PRKCH: variants seen among roughly 807,000 people sequenced by gnomAD.
PRKCH encodes the protein protein kinase C eta type.
In PRKCH, 28 loss-of-function variants were observed where a neutral mutation model predicts 82.5. That is an observed-to-expected ratio of 0.34 (90% CI 0.25 to 0.47). The LOEUF (loss-of-function observed/expected upper bound fraction) is 0.47, where lower values mean the gene tolerates loss of function less well. Among genes scored for constraint, PRKCH ranks in the 20% least tolerant of loss-of-function variants. The pLI is 1.00. For missense variants in PRKCH, 705 were observed against 881.8 expected (o/e 0.80, Z 2.54); for synonymous variants, 322 against 327.4 (o/e 0.98, Z 0.18).
At chr14:61,195,180 T>G (rs2044432179) in intron 1 of PRKCH, among the ~76,000 whole-genome samples, 1 of 141,374 alleles carries the variant, frequency 7.1e-6, no homozygotes, top group African/African-American at 2.5e-5. Context: ...GTATATCTTT[T>G]ACATAGATAT....
chr14:61,462,854 C>G (rs957768433), intron 9 of PRKCH, among the ~76,000 whole-genome samples: 1 of 152,222 alleles, frequency 6.6e-6, no homozygotes, highest in African/African-American at 2.4e-5. Flanking sequence ...TGGAATCAGT[C>G]TCTCTGAAGC....
intron 2 of PRKCH, among the ~76,000 whole-genome samples, chr14:61,414,065 C>T (rs1882426772): frequency 6.6e-6 from 1 of 152,034 alleles, no homozygotes; most frequent in South Asian, 2.1e-4. Context: ...GCTTCTCTAC[C>T]ACCCTCTGCA....
intron 1 of PRKCH, chr14:61,281,167 ACGCGCGGGCTGACCGAGTGGGGGCCCCGC>A: frequency 2.3e-6 from 3 of 1,294,626 alleles, no homozygotes; most frequent in Non-Finnish European, 2.9e-6. Context: ...GCGGGGACCG[ACGCGCGGGCTGACCGAGTGGGGGCCCCGC>A]CGCGGGGCGC....
At chr14:61,404,076 T>A (rs1289594368) in intron 2 of PRKCH, among the ~76,000 whole-genome samples, 1 of 152,232 alleles carries the variant, frequency 6.6e-6, no homozygotes, top group African/African-American at 2.4e-5. Context: ...TTCCTAAGCT[T>A]TCCCTAATAA....
intron 9 of PRKCH, among the ~76,000 whole-genome samples, chr14:61,470,243 C>T (rs1196547183): frequency 6.6e-6 from 1 of 151,866 alleles, no homozygotes; most frequent in East Asian, 1.9e-4. Flanking sequence ...TTCTGGGTCA[C>T]TATTATAGGG....
At chr14:61,408,937 A>G (rs773183756) in intron 2 of PRKCH, among the ~76,000 whole-genome samples, 20 of 152,222 alleles carry the variant, frequency 1.3e-4, no homozygotes, top group Non-Finnish European at 2.2e-4. Context: ...TGTGGGTATG[A>G]GAATTTCAGG....
intron 12 of PRKCH, among the ~76,000 whole-genome samples, chr14:61,532,998 T>C (rs2043059807): frequency 6.6e-6 from 1 of 152,208 alleles, no homozygotes; most frequent in South Asian, 2.1e-4. Context: ...TCTGGGTATC[T>C]TCCACATAGG....
chr14:61,336,208 T>G (rs2045855584), intron 1 of PRKCH, among the ~76,000 whole-genome samples: 1 of 152,216 alleles, frequency 6.6e-6, no homozygotes, highest in Admixed American at 6.5e-5. Flanking sequence ...AGCAGTAAGA[T>G]ATTTATTTAC....
chr14:61,379,110 A>G (rs2046463641), intron 1 of PRKCH, among the ~76,000 whole-genome samples: 1 of 152,076 alleles, frequency 6.6e-6, no homozygotes, highest in African/African-American at 2.4e-5. Context: ...CTGCAGTCCT[A>G]TTTCTGACTT....
At chr14:61,232,224 A>T (rs1168616293) in intron 1 of PRKCH, among the ~76,000 whole-genome samples, 1 of 152,078 alleles carries the variant, frequency 6.6e-6, no homozygotes, top group East Asian at 1.9e-4. Context: ...GTTATAAAGG[A>T]TATTTTATTT....
chr14:61,344,455 T>G (rs944136929), intron 1 of PRKCH: 3 of 152,210 alleles, frequency 2.0e-5, no homozygotes, highest in Non-Finnish European at 4.4e-5. Flanking sequence ...GGGCAAAATT[T>G]AATCTTTTTT....
In PRKCH at chr14:61,322,715, A is replaced by G. The variant is rs551598501; in HGVS notation, c.363+251A>G. On this transcript the variant is annotated intron_variant, in intron 1 of 13. Coordinates refer to ENST00000332981, the MANE Select transcript of PRKCH (RefSeq NM_006255.5). ...AGGACAGCGGCTTGGCCTAACGGGA[A>G]GTCGGGCAGGGGTCCAGGGCGGTCA... is the stretch of plus-strand genomic sequence containing the variant. 1.7e-3 allele frequency: 824 copies of G among 471,712 alleles called. 1 individual carries two copies. The highest frequency in any genetic ancestry group is 2.6e-3 in the Non-Finnish European group (690 of 266,584). The allele number at this position is 471,712 out of a possible 1,614,324, so 29.2% of individuals were successfully genotyped here. A position where few individuals can be genotyped will look rare whatever the true frequency, so the allele number is the denominator to read the frequency against.
chr14:61,329,234 C>CTTTTTTTTTTTTTTTTTTT lies in PRKCH; in HGVS notation c.363+6772_363+6790dup, dbSNP rs71117812. On this transcript the variant is annotated intron_variant, in intron 1 of 13. Transcript: ENST00000332981. ...ACTGCTCTTAGATAAACTCCTGAGT[C>CTTTTTTTTTTTTTTTTTTT]TTTTTTTTTTTTTTTTTTTTGAGAC... Among the ~76,000 whole-genome samples, 17 of 63,468 alleles carry CTTTTTTTTTTTTTTTTTTT rather than the reference C, an allele frequency of 2.7e-4. 5 individuals carry two copies. The highest frequency in any genetic ancestry group is 1.0e-3 in the African/African-American group (15 of 14,774). The allele number at this position is 63,468 out of a possible 152,430, so 41.6% of individuals were successfully genotyped here. A position where few individuals can be genotyped will look rare whatever the true frequency, so the allele number is the denominator to read the frequency against.
intron 10 of PRKCH, among the ~76,000 whole-genome samples, chr14:61,517,405 TA>T (rs2042844553): frequency 6.6e-6 from 1 of 152,240 alleles, no homozygotes; most frequent in African/African-American, 2.4e-5. Context: ...TCAGTGCTGA[TA>T]GGGTCTGTGT....
intron 12 of PRKCH, among the ~76,000 whole-genome samples, chr14:61,545,833 G>T (rs914652864): frequency 6.6e-6 from 1 of 152,184 alleles, no homozygotes; most frequent in Non-Finnish European, 1.5e-5. Context: ...AGTGCCAGGG[G>T]CAGGGAGGAA....
chr14:61,488,706 C>G (rs1343929588), intron 10 of PRKCH, among the ~76,000 whole-genome samples: 1 of 152,174 alleles, frequency 6.6e-6, no homozygotes, highest in Non-Finnish European at 1.5e-5. Flanking sequence ...TGAGTTGGGC[C>G]GAGCAGCAAG....
At chr14:61,500,584 T>C (rs2139949315) in intron 10 of PRKCH, among the ~76,000 whole-genome samples, 1 of 152,210 alleles carries the variant, frequency 6.6e-6, no homozygotes, top group East Asian at 1.9e-4. Context: ...CAAAAAAGGA[T>C]ATTTAAATTT....
chr14:61,464,059 A>G (rs562590469), intron 9 of PRKCH, among the ~76,000 whole-genome samples: 39 of 152,266 alleles, frequency 2.6e-4, no homozygotes, highest in African/African-American at 8.7e-4. Context: ...CGACATGCTG[A>G]TTTCATTTTC....
rs112314142 is a variant in PRKCH, at chr14:61,496,116, T to G, written c.1433+10460T>G. On this transcript the variant is annotated intron_variant, in intron 10 of 13. Coordinates refer to ENST00000332981, the MANE Select transcript of PRKCH (RefSeq NM_006255.5). ...GACCAGTGGGCTGGAGCAGATGAAT[T>G]CGGGCGTCATGGGCGTCGAGGGCCC... 6.4e-3 allele frequency among the ~76,000 whole-genome samples: 970 copies of G among 152,210 alleles called. 12 individuals carry two copies. The highest frequency in any genetic ancestry group is 0.022 in the African/African-American group (926 of 41,528).
Sources: gnomAD v4.1 joint callset for allele counts (sites outside exome capture counted in the v4.1 genomes callset) on GRCh38, gnomAD v4.1.1 for gene constraint, MANE v1.5 for transcripts, NCBI Gene and HGNC (gene_info 2026-07-23, HGNC 2026-07-21) for gene names.